Variants in NCOA7 observed in about 807,000 individuals in gnomAD.
The protein encoded by NCOA7 is nuclear receptor coactivator 7.
Under a neutral mutation model 104.3 loss-of-function variants are expected in NCOA7, and 45 were observed. The observed-to-expected ratio is 0.43, with a 90% CI of 0.34 to 0.55. NCOA7 has a LOEUF of 0.55. Among genes scored for constraint, NCOA7 ranks in the 20% least tolerant of loss-of-function variants. The pLI is 0.02. For synonymous variants in NCOA7, 398 were observed against 402.3 expected (o/e 0.99, Z 0.13); for missense variants, 1,041 against 1,119.7 (o/e 0.93, Z 1.00).
At chr6:125,869,933 C>A (rs1422333536) in intron 3 of NCOA7, among the ~76,000 whole-genome samples, 1 of 152,166 alleles carries the variant, frequency 6.6e-6, no homozygotes, top group African/African-American at 2.4e-5. Context: ...TATTTCGAAC[C>A]ACAAATGTGT....
At chr6:125,911,053 A>G (rs115146374) in intron 10 of NCOA7, among the ~76,000 whole-genome samples, 3,903 of 152,280 alleles carry the variant, frequency 0.026, 166 homozygotes, top group African/African-American at 0.083. Context: ...ACACCAGAGG[A>G]CCATCATTAT....
rs770083043 is a variant in NCOA7 at position 125,889,439 on chromosome 6, A to T, written c.1385A>T (p.Gln462Leu). 1 of 1,613,912 alleles carries T rather than the reference A, an allele frequency of 6.2e-7. No homozygotes were observed. Among genetic ancestry groups the T allele is most frequent in the Non-Finnish European group, 8.5e-7 (1 of 1,179,964 alleles). Residue 462 changes from glutamine (Q) to leucine (L), a missense_variant, in exon 9 of 16, where the codon CAG becomes CTG. Gln to Leu is a moderately radical substitution (Grantham distance 113). Transcript: ENST00000392477. ...SQINNSAVEM[Q>L]VQSALAFLGT... ...ATAAACAATTCTGCCGTGGAAATGC[A>T]GGTGCAGTCAGCCCTAGCCTTTTTG...
intron 2 of NCOA7, among the ~76,000 whole-genome samples, chr6:125,832,786 A>G (rs1273780607): frequency 6.6e-6 from 1 of 152,208 alleles, no homozygotes; most frequent in South Asian, 2.1e-4. Context: ...TGCTGCTACA[A>G]AGTGGATGTT....
chr6:125,903,333 A>G (rs972642699), intron 10 of NCOA7, among the ~76,000 whole-genome samples: 1 of 152,178 alleles, frequency 6.6e-6, no homozygotes, highest in Non-Finnish European at 1.5e-5. Flanking sequence ...GGCCTTGACC[A>G]TCTCCTGCCT....
At chr6:125,858,706 T>C (rs149194110) in intron 3 of NCOA7, among the ~76,000 whole-genome samples, 77 of 152,198 alleles carry the variant, frequency 5.1e-4, no homozygotes, top group African/African-American at 1.8e-3. Context: ...GTTTGGAGGT[T>C]TGAGGCATTT....
intron 2 of NCOA7, among the ~76,000 whole-genome samples, chr6:125,854,762 G>A (rs1239171148): frequency 6.6e-6 from 1 of 152,006 alleles, no homozygotes; most frequent in Non-Finnish European, 1.5e-5. Context: ...TTTTCCTCAG[G>A]CCTATGGCAG....
At chr6:125,920,841 C>A (rs1417861137) in intron 11 of NCOA7, 102 bp from the exon 12 acceptor site, 2 of 1,431,232 alleles carry the variant, frequency 1.4e-6, no homozygotes, top group Non-Finnish European at 1.9e-6. Flanking sequence ...GCTGCCGAAG[C>A]GTCACCTTTT....
At chr6:125,922,552 C>T in intron 12 of NCOA7, 130 bp from the exon 13 acceptor site, 2 of 1,063,358 alleles carry the variant, frequency 1.9e-6, no homozygotes, top group South Asian at 1.6e-5. Flanking sequence ...AAATATTTGC[C>T]AGAATAAGGA....
chr6:125,809,448 G>T (rs998361960), intron 1 of NCOA7, among the ~76,000 whole-genome samples: 1 of 152,140 alleles, frequency 6.6e-6, no homozygotes, highest in Admixed American at 6.5e-5. Flanking sequence ...CTCCCAAAGT[G>T]CTGGGAATAT....
intron 2 of NCOA7, among the ~76,000 whole-genome samples, chr6:125,822,038 C>A (rs1388707589): frequency 6.6e-6 from 1 of 152,122 alleles, no homozygotes; most frequent in Non-Finnish European, 1.5e-5. Flanking sequence ...GTGCCAGTGC[C>A]AAGAATGATT....
intron 3 of NCOA7, among the ~76,000 whole-genome samples, chr6:125,860,619 A>T (rs1330623502): frequency 6.6e-6 from 1 of 152,234 alleles, no homozygotes; most frequent in Non-Finnish European, 1.5e-5. Flanking sequence ...AAGTGCTGGG[A>T]TTACAGGCGT....
At chr6:125,854,253 G>A (rs1242018694) in intron 2 of NCOA7, among the ~76,000 whole-genome samples, 1 of 152,188 alleles carries the variant, frequency 6.6e-6, no homozygotes. Flanking sequence ...CAAGTACAGA[G>A]TGACATATCA....
intron 11 of NCOA7, chr6:125,919,206 T>C: frequency 6.4e-7 from 1 of 1,562,512 alleles, no homozygotes. Context: ...AAACTTCTCC[T>C]GAGGGAAACA....
chr6:125,805,008 G>A lies in NCOA7; in HGVS notation c.-64-10283G>A, dbSNP rs1226466329. Among the ~76,000 whole-genome samples the A allele has an allele frequency of 3.4e-5, 5 of 146,716 alleles. No individual in the cohort carries two copies. In the East Asian group the frequency reaches 1.1e-3, roughly 32 times the overall value. On this transcript the variant is annotated intron_variant, in intron 1 of 15. Transcript: ENST00000392477. ...TACTAAAGTGCATTTAGTATGAATA[G>A]TAATGGCTAACCTGAATACAGGTCA...
chr6:125,895,394 A>T (rs939266483), intron 10 of NCOA7, among the ~76,000 whole-genome samples: 1 of 152,086 alleles, frequency 6.6e-6, no homozygotes, highest in African/African-American at 2.4e-5. Flanking sequence ...TTTTTGTTTA[A>T]CTTGAAAAAA....
At chr6:125,784,672 T>A (rs144192465) in intron 1 of NCOA7, among the ~76,000 whole-genome samples, 2 of 152,184 alleles carry the variant, frequency 1.3e-5, no homozygotes, top group Non-Finnish European at 2.9e-5. Flanking sequence ...TTAAACAAAC[T>A]GTGGTACATC....
intron 2 of NCOA7, among the ~76,000 whole-genome samples, chr6:125,817,159 C>T (rs1777665026): frequency 6.6e-6 from 1 of 152,116 alleles, no homozygotes; most frequent in East Asian, 1.9e-4. Flanking sequence ...GTCATTTACC[C>T]ATTGAAGGGC....
intron 2 of NCOA7, 94 bp from the exon 3 acceptor site, chr6:125,854,926 A>G (rs573995617): frequency 1.3e-5 from 10 of 769,388 alleles, no homozygotes; most frequent in South Asian, 1.2e-4. Flanking sequence ...GTATCAGTTC[A>G]TTAGTTTTCA....
chr6:125,921,172 G>A, intron 12 of NCOA7, 104 bp downstream of exon 12: 1 of 1,412,378 alleles, frequency 7.1e-7, no homozygotes, highest in Non-Finnish European at 9.4e-7. Flanking sequence ...CACTTTGGGA[G>A]GCCAAGGCAG....
Sources: gnomAD v4.1 joint callset for allele counts (sites outside exome capture counted in the v4.1 genomes callset) on GRCh38, gnomAD v4.1.1 for gene constraint, MANE v1.5 for transcripts, NCBI Gene and HGNC (gene_info 2026-07-23, HGNC 2026-07-21) for gene names.